Variants in KCNN2 observed in about 807,000 individuals in gnomAD.
KCNN2 encodes the protein small conductance calcium-activated potassium channel protein 2.
KCNN2 carries 24 observed loss-of-function variants against 55.5 expected under a neutral mutation model. The ratio of observed to expected loss-of-function variants is 0.43; its 90% CI spans 0.31 to 0.61. KCNN2 has a LOEUF of 0.61. Among genes scored for constraint, KCNN2 ranks in the 20% least tolerant of loss-of-function variants. The probability of loss-of-function intolerance (pLI) is 0.08; values close to 1 mark genes in which losing one functional copy is unlikely to be tolerated. For synonymous variants in KCNN2, 431 were observed against 336.1 expected, an observed-to-expected ratio of 1.28 and a Z score of -3.09; for missense variants, 754 against 853.6, an observed-to-expected ratio of 0.88 and a Z score of 1.45.
At chr5:114,318,673 A>G (rs1222006949) in intron 2 of KCNN2, among the ~76,000 whole-genome samples, 1 of 151,900 alleles carries the variant, frequency 6.6e-6, no homozygotes, top group Non-Finnish European at 1.5e-5. Flanking sequence ...ACAGGCTGGC[A>G]GGCACTGTAA....
At chr5:114,310,100 T>C (rs372004710) in intron 2 of KCNN2, among the ~76,000 whole-genome samples, 3 of 152,212 alleles carry the variant, frequency 2.0e-5, no homozygotes, top group African/African-American at 7.2e-5. Context: ...ATGCATATCA[T>C]AGTGCAAATT....
intron 1 of KCNN2, among the ~76,000 whole-genome samples, chr5:114,160,231 A>T (rs1250972730): frequency 6.6e-6 from 1 of 152,190 alleles, no homozygotes; most frequent in South Asian, 2.1e-4. Context: ...TTCAAAGAAC[A>T]TCTTTATTTC....
intron 1 of KCNN2, among the ~76,000 whole-genome samples, chr5:114,123,954 C>A (rs1218666505): frequency 6.6e-6 from 1 of 152,158 alleles, no homozygotes; most frequent in Non-Finnish European, 1.5e-5. Flanking sequence ...CTTGTCTGAC[C>A]CTTACTGCCT....
At chr5:114,326,645 T>C (rs1416621870) in intron 2 of KCNN2, among the ~76,000 whole-genome samples, 2 of 152,208 alleles carry the variant, frequency 1.3e-5, no homozygotes, top group African/African-American at 4.8e-5. Flanking sequence ...GAATTTCAGT[T>C]CAGCTTTCTC....
chr5:114,291,227 T>G (rs1755880330), intron 2 of KCNN2, among the ~76,000 whole-genome samples: 1 of 152,124 alleles, frequency 6.6e-6, no homozygotes, highest in African/African-American at 2.4e-5. Flanking sequence ...TTAGGGTACA[T>G]GTGCACAATG....
rs114421324 is a variant in KCNN2 at position 114,178,573 on chromosome 5, C to T, written c.-270-42907C>T. On this transcript the variant is annotated intron_variant, in intron 1 of 10. Coordinates refer to the KCNN2 transcript ENST00000512097. ...GCCTGATCTCTGTTTATTTCCCTTG[C>T]AATAGGAACCTCTACAATGCATAAT... is the stretch of plus-strand genomic sequence containing the variant. 4.8e-3 allele frequency among the ~76,000 whole-genome samples: 728 copies of T among 152,260 alleles called. 7 individuals are homozygous for T. The highest frequency in any genetic ancestry group is 0.017 in the African/African-American group (695 of 41,562).
chr5:114,311,776 A>G (rs938397618), intron 2 of KCNN2, among the ~76,000 whole-genome samples: 2 of 152,108 alleles, frequency 1.3e-5, no homozygotes, highest in African/African-American at 2.4e-5. Flanking sequence ...AGTACATTCA[A>G]TTTGGGTTTT....
intron 2 of KCNN2, among the ~76,000 whole-genome samples, chr5:114,337,995 A>G (rs938433952): frequency 1.3e-5 from 2 of 152,208 alleles, no homozygotes; most frequent in Admixed American, 6.5e-5. Flanking sequence ...GAGGCTGGTT[A>G]TATTTTCATT....
intron 2 of KCNN2, among the ~76,000 whole-genome samples, chr5:114,328,925 G>C (rs1187180847): frequency 6.6e-6 from 1 of 152,158 alleles, no homozygotes; most frequent in Non-Finnish European, 1.5e-5. Context: ...TGTATAGTGT[G>C]TATTTCTGCT....
intron 2 of KCNN2, among the ~76,000 whole-genome samples, chr5:114,333,216 G>T (rs190257993): frequency 6.6e-6 from 1 of 152,192 alleles, no homozygotes; most frequent in Non-Finnish European, 1.5e-5. Context: ...CACGGGAGCC[G>T]GGAGGGCGGA....
chr5:114,102,338 C>T (rs918599939), intron 1 of KCNN2, among the ~76,000 whole-genome samples: 1 of 151,576 alleles, frequency 6.6e-6, no homozygotes. Flanking sequence ...GGATATTAGC[C>T]CTTTGTCAGA....
intron 1 of KCNN2, among the ~76,000 whole-genome samples, chr5:114,213,185 C>A (rs892689956): frequency 6.6e-6 from 1 of 152,010 alleles, no homozygotes; most frequent in Non-Finnish European, 1.5e-5. Flanking sequence ...TCCAGTGGTT[C>A]TTTCCCTGAA....
chr5:114,112,320 G>A (rs1751616380), intron 1 of KCNN2, among the ~76,000 whole-genome samples: 1 of 152,046 alleles, frequency 6.6e-6, no homozygotes, highest in African/African-American at 2.4e-5. Context: ...ACAGACTGGG[G>A]CCTGTTTGGA....
chr5:114,490,186 G>A (rs957868943), intron 6 of KCNN2, among the ~76,000 whole-genome samples: 2 of 152,024 alleles, frequency 1.3e-5, no homozygotes, highest in African/African-American at 2.4e-5. Context: ...ACATGAATTT[G>A]TTTCAGAACC....
At chr5:114,398,535 T>A (rs182741926) in intron 2 of KCNN2, among the ~76,000 whole-genome samples, 91 of 152,154 alleles carry the variant, frequency 6.0e-4, no homozygotes, top group Middle Eastern at 3.4e-3. Context: ...TATTCAGGCT[T>A]TTTTTGGTTC....
chr5:114,086,302 T>G (rs1235632284), intron 1 of KCNN2, among the ~76,000 whole-genome samples: 1 of 151,962 alleles, frequency 6.6e-6, no homozygotes, highest in African/African-American at 2.4e-5. Flanking sequence ...TTATTTTAGA[T>G]TTGGGGGTAT....
intron 2 of KCNN2, among the ~76,000 whole-genome samples, chr5:114,329,761 C>G (rs1230984911): frequency 6.6e-6 from 1 of 152,172 alleles, no homozygotes; most frequent in East Asian, 1.9e-4. Context: ...AGATCCCTGA[C>G]TAATACACCC....
chr5:114,277,165 C>T (rs1271375553), intron 2 of KCNN2, among the ~76,000 whole-genome samples: 1 of 152,112 alleles, frequency 6.6e-6, no homozygotes, highest in South Asian at 2.1e-4. Context: ...AATATTTGCC[C>T]CCAATCTCTT....
intron 1 of KCNN2, among the ~76,000 whole-genome samples, chr5:114,212,627 A>G (rs1753911531): frequency 1.3e-5 from 2 of 151,976 alleles, no homozygotes; most frequent in South Asian, 4.1e-4. Context: ...AGTAAAAAAA[A>G]ATGCTTTCAT....
Sources: gnomAD v4.1 joint callset for allele counts (sites outside exome capture counted in the v4.1 genomes callset) on GRCh38, gnomAD v4.1.1 for gene constraint, MANE v1.5 for transcripts, NCBI Gene and HGNC (gene_info 2026-07-23, HGNC 2026-07-21) for gene names.